RARB: variants seen among roughly 807,000 people sequenced by gnomAD.
RARB encodes retinoic acid receptor beta.
RARB carries 17 observed loss-of-function variants against 51.9 expected under a neutral mutation model. The observed-to-expected ratio is 0.33, with a 90% CI of 0.22 to 0.49. The LOEUF is 0.49. Among genes scored for constraint, RARB ranks in the 20% least tolerant of loss-of-function variants. The pLI, the probability that RARB is intolerant of heterozygous loss-of-function variation, is 0.99. For missense variants in RARB, 369 were observed against 550.8 expected, an observed-to-expected ratio of 0.67 and a Z score of 3.30; for synonymous variants, 215 against 195.4, an observed-to-expected ratio of 1.10 and a Z score of -0.84.
chr3:25,535,768 G>T (rs1699114901), intron 3 of RARB, among the ~76,000 whole-genome samples: 1 of 152,150 alleles, frequency 6.6e-6, no homozygotes, highest in South Asian at 2.1e-4. Context: ...TCTTAAATGG[G>T]AAATAATATG....
intron 3 of RARB, among the ~76,000 whole-genome samples, chr3:25,547,275 T>C (rs1372267599): frequency 6.6e-6 from 1 of 151,578 alleles, no homozygotes; most frequent in Admixed American, 6.6e-5. Flanking sequence ...GAAAGAGAGG[T>C]AGAGAAAGAG....
At chr3:25,250,643 C>A (rs746477220) in intron 5 of RARB, among the ~76,000 whole-genome samples, 6 of 152,184 alleles carry the variant, frequency 3.9e-5, no homozygotes, top group South Asian at 2.1e-4. Context: ...GTCAATTGGG[C>A]TTCAGAAATG....
chr3:25,328,591 T>A (rs1023067264), intron 5 of RARB, among the ~76,000 whole-genome samples: 1 of 152,174 alleles, frequency 6.6e-6, no homozygotes, highest in African/African-American at 2.4e-5. Flanking sequence ...AGAGCTCCAG[T>A]CTACAGCTCC....
chr3:24,973,875 G>A (rs1696452628), intron 2 of RARB, among the ~76,000 whole-genome samples: 1 of 151,912 alleles, frequency 6.6e-6, no homozygotes, highest in African/African-American at 2.4e-5. Flanking sequence ...TTTTTAAAAT[G>A]TAAGATTATG....
At chr3:25,296,214 A>G (rs915912035) in intron 5 of RARB, among the ~76,000 whole-genome samples, 1 of 152,152 alleles carries the variant, frequency 6.6e-6, no homozygotes, top group African/African-American at 2.4e-5. Flanking sequence ...TTCCAGAAAC[A>G]AGGAAAGATC....
intron 2 of RARB, among the ~76,000 whole-genome samples, chr3:24,954,652 C>G (rs1575089427): frequency 6.6e-6 from 1 of 151,860 alleles, no homozygotes; most frequent in Admixed American, 6.6e-5. Flanking sequence ...GTGTGAGAGA[C>G]AATAGAGAGG....
intron 1 of RARB, among the ~76,000 whole-genome samples, chr3:24,840,351 T>C (rs932659428): frequency 2.0e-5 from 3 of 152,306 alleles, no homozygotes; most frequent in African/African-American, 7.2e-5. Flanking sequence ...ACAGAATAGT[T>C]AGAATTTGAA....
intron 5 of RARB, among the ~76,000 whole-genome samples, chr3:25,394,765 C>G (rs1575368596): frequency 1.3e-5 from 2 of 152,116 alleles, no homozygotes; most frequent in East Asian, 3.9e-4. Flanking sequence ...CTTTTTCCAC[C>G]CCTTTACCTT....
In RARB at chr3:25,220,542, C is replaced by A. The variant is rs534759648; in HGVS notation, c.178+45967C>A. Among the ~76,000 whole-genome samples, 199 of 152,274 alleles carry A rather than the reference C, an allele frequency of 1.3e-3. 1 individual carries two copies. The highest frequency in any genetic ancestry group is 8.1e-3 in the South Asian group (39 of 4,822). On this transcript the variant is annotated intron_variant, in intron 5 of 11. Coordinates refer to the RARB transcript ENST00000383772. ...AGAGACCACACGGAGGTAATTGAAT[C>A]ATGGGGGCAGTTTCCGCCCTGCTGT... is the stretch of plus-strand genomic sequence containing the variant.
At chr3:25,163,845 G>T (rs1001169034) in intron 4 of RARB, among the ~76,000 whole-genome samples, 2 of 152,150 alleles carry the variant, frequency 1.3e-5, no homozygotes, top group African/African-American at 4.8e-5. Flanking sequence ...TTTGACCTTA[G>T]GAGGTAAAGG....
chr3:25,316,913 G>A (rs930973943), intron 5 of RARB, among the ~76,000 whole-genome samples: 1 of 152,164 alleles, frequency 6.6e-6, no homozygotes, highest in Non-Finnish European at 1.5e-5. Flanking sequence ...CTCATTGTAC[G>A]ATGAAGAAGT....
intron 2 of RARB, among the ~76,000 whole-genome samples, chr3:24,966,038 G>A (rs1696246189): frequency 6.6e-6 from 1 of 152,036 alleles, no homozygotes; most frequent in Non-Finnish European, 1.5e-5. Context: ...AAGTAAATAA[G>A]TTGGGAAACA....
At chr3:25,041,345 GT>G (rs1416384164) in intron 2 of RARB, among the ~76,000 whole-genome samples, 1 of 151,884 alleles carries the variant, frequency 6.6e-6, no homozygotes, top group Non-Finnish European at 1.5e-5. Context: ...CAAGGTTGCC[GT>G]TTAATATTTA....
chr3:25,219,851 G>C (rs1438450629), intron 5 of RARB, among the ~76,000 whole-genome samples: 1 of 152,198 alleles, frequency 6.6e-6, no homozygotes, highest in Admixed American at 6.5e-5. Flanking sequence ...CTCATCCAAA[G>C]AGAGTAAAGC....
chr3:25,460,776 A>G (rs1212855003), intron 1 of RARB, among the ~76,000 whole-genome samples: 4 of 152,184 alleles, frequency 2.6e-5, no homozygotes, highest in Non-Finnish European at 5.9e-5. Flanking sequence ...AACAAGGTCA[A>G]GTCGTTTGAG....
intron 4 of RARB, among the ~76,000 whole-genome samples, chr3:25,141,228 T>G (rs1430538327): frequency 1.3e-5 from 2 of 152,148 alleles, no homozygotes; most frequent in Non-Finnish European, 2.9e-5. Context: ...TAAACGTTCT[T>G]AAAAGATATT....
chr3:25,082,090 C>T (rs1699017233), intron 3 of RARB, among the ~76,000 whole-genome samples: 1 of 152,058 alleles, frequency 6.6e-6, no homozygotes, highest in Non-Finnish European at 1.5e-5. Flanking sequence ...TTCCTTGATA[C>T]TAGTTTCCAT....
At chr3:24,838,071 T>G (rs536325161) in intron 1 of RARB, among the ~76,000 whole-genome samples, 4 of 152,304 alleles carry the variant, frequency 2.6e-5, no homozygotes, top group African/African-American at 9.6e-5. Context: ...TTCAGTTCCA[T>G]GTGGTTCTAA....
intron 3 of RARB, among the ~76,000 whole-genome samples, chr3:25,538,423 A>G (rs1699231812): frequency 6.6e-6 from 1 of 152,126 alleles, no homozygotes. Flanking sequence ...GATGTCTTAT[A>G]ATTGTGATTT....
Sources: allele counts gnomAD v4.1 joint callset (sites outside exome capture counted in the v4.1 genomes callset), GRCh38; gene constraint gnomAD v4.1.1; transcripts MANE v1.5; gene names NCBI Gene and HGNC (gene_info 2026-07-23, HGNC 2026-07-21).